The following TMEM107 variants were observed in gnomAD, a reference collection of about 807,000 sequenced individuals.
The protein encoded by TMEM107 is transmembrane protein 107.
Under a neutral mutation model 16.8 loss-of-function variants are expected in TMEM107, and 18 were observed. The observed-to-expected ratio is 1.07, with a 90% CI of 0.74 to 1.59. TMEM107 has a LOEUF of 1.59. Ranked by LOEUF, TMEM107 falls within the 40% of genes most tolerant of loss-of-function variation. The probability of loss-of-function intolerance (pLI) is 0.00; values close to 1 mark genes in which losing one functional copy is unlikely to be tolerated. For synonymous variants in TMEM107, 68 were observed against 71.6 expected (o/e 0.95, Z 0.25); for missense variants, 152 against 175.4 (o/e 0.87, Z 0.75).
Position 8,173,823 on chromosome 17 carries a change from A to G in TMEM107, c.*380T>C. ...CGTGCCGGACGTTCTAACTGTACGCACTTTCTATTTACATATCTCCGCCCA... is the reference window on the plus strand; with the variant it reads ...CGTGCCGGACGTTCTAACTGTACGCGCTTTCTATTTACATATCTCCGCCCA... On this transcript the variant is annotated 3_prime_UTR_variant, in exon 5 of 5. Transcript: ENST00000437139. 2.0e-6 allele frequency: 1 copy of G among 498,440 alleles called. No individual in the cohort carries two copies. Among genetic ancestry groups the G allele is most frequent in the South Asian group, 2.7e-5 (1 of 36,566 alleles). 30.9% of individuals were successfully genotyped at this position (498,440 alleles called of 1,614,324 possible).
In TMEM107 at chr17:8,173,510, C is replaced by T. The variant is rs776333257; in HGVS notation, c.*693G>A. The T allele has an allele frequency of 3.0e-5, 23 of 765,184 alleles. No homozygotes were observed. The highest frequency in any genetic ancestry group is 7.3e-5 in the East Asian group (3 of 41,266). The allele number at this position is 765,184 out of a possible 1,614,324, so 47.4% of individuals were successfully genotyped here. A position where few individuals can be genotyped will look rare whatever the true frequency, so the allele number is the denominator to read the frequency against. ...CCTGATTACGCAGAGACGTTAATCACGTTTCATGCATCTCCAATCATCATG... is the reference window on the plus strand; with the variant it reads ...CCTGATTACGCAGAGACGTTAATCATGTTTCATGCATCTCCAATCATCATG... On this transcript the variant is annotated 3_prime_UTR_variant, in exon 5 of 5. Transcript: ENST00000437139.
chr17:8,174,016 T>G lies in TMEM107; in HGVS notation c.*187A>C. On this transcript the variant is annotated 3_prime_UTR_variant, in exon 5 of 5. Transcript: ENST00000437139. ...AGTCTTAATGTTACTACAAAACATA[T>G]TTTATTACAAAGCACTAAATACAAT... is the stretch of plus-strand genomic sequence containing the variant. 1 of 601,128 alleles carries G rather than the reference T, an allele frequency of 1.7e-6. No homozygotes were observed. The highest frequency in any genetic ancestry group is 3.0e-6 in the Non-Finnish European group (1 of 334,180). The allele number at this position is 601,128 out of a possible 1,614,324, so 37.2% of individuals were successfully genotyped here. A position where few individuals can be genotyped will look rare whatever the true frequency, so the allele number is the denominator to read the frequency against.
rs374602860 is a variant in TMEM107, at chr17:8,173,493, C to G, written c.*710G>C. The G allele has an allele frequency of 3.7e-5, 28 of 764,968 alleles. No individual in the cohort carries two copies. The highest frequency in any genetic ancestry group is 5.7e-5 in the Non-Finnish European group (24 of 417,992). The allele number at this position is 764,968 out of a possible 1,614,324, so 47.4% of individuals were successfully genotyped here. A position where few individuals can be genotyped will look rare whatever the true frequency, so the allele number is the denominator to read the frequency against. ...ATCAGGGTGTTGCAAGTCCTGATTA[C>G]GCAGAGACGTTAATCACGTTTCATG... On this transcript the variant is annotated 3_prime_UTR_variant, in exon 5 of 5. Coordinates refer to ENST00000437139, the MANE Select transcript of TMEM107 (RefSeq NM_183065.4).
chr17:8,174,319 C>T (rs1567552880), intron 4 of TMEM107, 47 bp from the exon 5 acceptor site: 2 of 1,553,108 alleles, frequency 1.3e-6, no homozygotes, highest in Non-Finnish European at 1.8e-6. Flanking sequence ...GTATAAATAC[C>T]CAAATCTCCA....
rs1983628481 is a variant in TMEM107 at position 8,172,713 on chromosome 17, T to C, written c.*1490A>G. ...AGAAAAATTTTAAAACAACCAGGTG[T>C]GGTGGTGCTCACCTGTAGTCCCAGC... is the stretch of plus-strand genomic sequence containing the variant. On this transcript the variant is annotated 3_prime_UTR_variant, in exon 5 of 5. Coordinates refer to ENST00000437139, the MANE Select transcript of TMEM107 (RefSeq NM_183065.4). Among the ~76,000 whole-genome samples the C allele has an allele frequency of 6.6e-6, 1 of 151,362 alleles. No individual in the cohort carries two copies. Among genetic ancestry groups the C allele is most frequent in the Admixed American group, 6.6e-5 (1 of 15,182 alleles).
chr17:8,172,877 C>CAAAAAAAAAAAAAAAAAAA lies in TMEM107; in HGVS notation c.*1325_*1326insTTTTTTTTTTTTTTTTTTT, dbSNP rs1357679181. Among the ~76,000 whole-genome samples, 2 of 104,980 alleles carry CAAAAAAAAAAAAAAAAAAA rather than the reference C, an allele frequency of 1.9e-5. 1 individual carries two copies. The highest frequency in any genetic ancestry group is 3.7e-5 in the Non-Finnish European group (2 of 54,304). The allele number at this position is 104,980 out of a possible 152,430, so 68.9% of individuals were successfully genotyped here. A position where few individuals can be genotyped will look rare whatever the true frequency, so the allele number is the denominator to read the frequency against. The stretch of plus-strand genomic sequence containing the variant: ...TCTCAAAAAAAAAAAAAAAAAAAAC[C>CAAAAAAAAAAAAAAAAAAA]AAAAGAGGGGGGTGGTCAACATACC... On this transcript the variant is annotated 3_prime_UTR_variant, in exon 5 of 5. Transcript: ENST00000437139.
At chr17:8,174,416 G>C (rs1481728558) in intron 4 of TMEM107, 104 bp downstream of exon 4, 10 of 1,327,832 alleles carry the variant, frequency 7.5e-6, no homozygotes, top group Non-Finnish European at 1.1e-5. Flanking sequence ...ATGTTGAGTG[G>C]ATCTGGTATC....
chr17:8,173,358 G>GAC lies in TMEM107; in HGVS notation c.*843_*844dup, dbSNP rs1983737836. The GAC allele has an allele frequency of 1.6e-6, 1 of 614,164 alleles. No homozygotes were observed. The highest frequency in any genetic ancestry group is 2.0e-5 in the South Asian group (1 of 49,892). 38.0% of individuals were successfully genotyped at this position (614,164 alleles called of 1,614,324 possible). A position where few individuals can be genotyped will look rare whatever the true frequency, so the allele number is the denominator to read the frequency against. On this transcript the variant is annotated 3_prime_UTR_variant, in exon 5 of 5. Transcript: ENST00000437139. Reference sequence around the variant, plus strand: ...ACAGCAATAGCAAGACTGCAAAATAGACAAACAGCAAGGTTATCCCAGTCA... The same window carrying GAC: ...ACAGCAATAGCAAGACTGCAAAATAGACACAAACAGCAAGGTTATCCCAGTCA...
chr17:8,175,806 G>C lies in TMEM107; in HGVS notation c.207C>G (p.Ala69=). ...VTLGLFAVEL[A]GFLSGVSMFN... ...ACATGGAGACTCCTGAGAGGAAACC[G>C]GCCAGCTCCACTGCAAAGAGGCCCA... Residue 69 remains alanine, a synonymous_variant, in exon 3 of 5, where the codon GCC becomes GCG. Coordinates refer to ENST00000437139, the MANE Select transcript of TMEM107 (RefSeq NM_183065.4). 6.2e-7 allele frequency: 1 copy of C among 1,614,176 alleles called. No individual in the cohort carries two copies. The highest frequency in any genetic ancestry group is 8.5e-7 in the Non-Finnish European group (1 of 1,180,036).
In TMEM107 at chr17:8,176,342, T is replaced by C; in HGVS notation, c.-56A>G. On this transcript the variant is annotated 5_prime_UTR_variant, in exon 1 of 5. Transcript: ENST00000437139. ...AGGCTGGAAGTTCAGAGACAGCGAC[T>C]CCTGAAGTCTCCCCGCAAGCCGACA... 1 of 1,402,840 alleles carries C rather than the reference T, an allele frequency of 7.1e-7. No homozygotes were observed. The highest frequency in any genetic ancestry group is 2.2e-4 in the Middle Eastern group (1 of 4,560). 86.9% of individuals were successfully genotyped at this position (1,402,840 alleles called of 1,614,324 possible).
chr17:8,174,364 G>A, intron 4 of TMEM107, 92 bp from the exon 5 acceptor site: 1 of 1,347,914 alleles, frequency 7.4e-7, no homozygotes, highest in Non-Finnish European at 1.1e-6. Context: ...TGTAGGGCAG[G>A]TGGCATGGGG....
In TMEM107 at chr17:8,173,671, C is replaced by G. The variant is rs1983877414; in HGVS notation, c.*532G>C. On this transcript the variant is annotated 3_prime_UTR_variant, in exon 5 of 5. Transcript: ENST00000437139. ...TGAGTTCATAACGCGCTGGTATGAG[C>G]AATCCTATTATTTAGCGTCCTTCCA... is the stretch of plus-strand genomic sequence containing the variant. 1.5e-6 allele frequency: 1 copy of G among 675,394 alleles called. No individual in the cohort carries two copies. The highest frequency in any genetic ancestry group is 2.7e-6 in the Non-Finnish European group (1 of 369,340). The allele number at this position is 675,394 out of a possible 1,614,324, so 41.8% of individuals were successfully genotyped here.
At chr17:8,175,563 C>A in intron 3 of TMEM107, 194 bp downstream of exon 3, 1 of 678,700 alleles carries the variant, frequency 1.5e-6, no homozygotes, top group East Asian at 2.7e-5. Context: ...CGTGAGCCAA[C>A]ATGCCTGGCC....
rs550983276 is a variant in TMEM107 at position 8,173,540 on chromosome 17, A to C, written c.*663T>G. The C allele has an allele frequency of 1.0e-4, 79 of 764,954 alleles. 1 individual carries two copies. Among genetic ancestry groups the C allele is most frequent in the South Asian group, 5.1e-4 (38 of 74,614 alleles). 47.4% of individuals were successfully genotyped at this position (764,954 alleles called of 1,614,324 possible). On this transcript the variant is annotated 3_prime_UTR_variant, in exon 5 of 5. Coordinates refer to ENST00000437139, the MANE Select transcript of TMEM107 (RefSeq NM_183065.4). Reference sequence around the variant, plus strand: ...CATGCATCTCCAATCATCATGTTCTAATCTGCCCTCCGGAGGAGGAACAGG... The same window carrying C: ...CATGCATCTCCAATCATCATGTTCTCATCTGCCCTCCGGAGGAGGAACAGG...
rs75327696 is a variant in TMEM107 at position 8,173,424 on chromosome 17, T to A, written c.*779A>T. The A allele has an allele frequency of 5.3e-6, 4 of 757,080 alleles. No individual in the cohort carries two copies. The highest frequency in any genetic ancestry group is 1.7e-5 in the Admixed American group (1 of 58,496). The allele number at this position is 757,080 out of a possible 1,614,324, so 46.9% of individuals were successfully genotyped here. A position where few individuals can be genotyped will look rare whatever the true frequency, so the allele number is the denominator to read the frequency against. On this transcript the variant is annotated 3_prime_UTR_variant, in exon 5 of 5. Coordinates refer to ENST00000437139, the MANE Select transcript of TMEM107 (RefSeq NM_183065.4). The stretch of plus-strand genomic sequence containing the variant: ...GTTTGTGGATATCTGCTAATCAGCA[T>A]AACACAAATGTAAGTGATCGTCAGA...
At position 8,174,586 on chromosome 17, in the gene TMEM107, G is replaced by A. The variant is rs762032078; in HGVS notation, c.287C>T (p.Ala96Val). 1.9e-6 allele frequency: 3 copies of A among 1,614,110 alleles called. No homozygotes were observed. Among genetic ancestry groups the A allele is most frequent in the Admixed American group, 3.3e-5 (2 of 60,016 alleles). ...SIGAHCSASV[A>V]LSFFIFERWE... is the part of the protein sequence containing the mutation. ...ACGCTCGAATATGAAGAAGGACAGG[G>A]CCACGGATGCACTACAGTGAGCCCC... The change falls in exon 4 of 5, where the codon GCC (alanine) becomes GTC (valine). Residue 96 changes from alanine (A) to valine (V), a missense_variant. By Grantham distance (64) the Ala-to-Val change is moderately conservative. Coordinates refer to ENST00000437139, the MANE Select transcript of TMEM107 (RefSeq NM_183065.4).
chr17:8,173,300 C>A lies in TMEM107; in HGVS notation c.*903G>T. 1.1e-5 allele frequency: 6 copies of A among 523,108 alleles called. No homozygotes were observed. Among genetic ancestry groups the A allele is most frequent in the East Asian group, 2.9e-5 (1 of 34,440 alleles). The allele number at this position is 523,108 out of a possible 1,614,324, so 32.4% of individuals were successfully genotyped here. A position where few individuals can be genotyped will look rare whatever the true frequency, so the allele number is the denominator to read the frequency against. ...AAAACCAAATCACAATTTTCAAGAA[C>A]AAACAAATTTAGCAAGACTGCAAAA... On this transcript the variant is annotated 3_prime_UTR_variant, in exon 5 of 5. Coordinates refer to ENST00000437139, the MANE Select transcript of TMEM107 (RefSeq NM_183065.4).
rs1236827248 is a variant in TMEM107 at position 8,174,163 on chromosome 17, C to T, written c.*40G>A. On this transcript the variant is annotated 3_prime_UTR_variant, in exon 5 of 5. Transcript: ENST00000437139. ...TCCAGGAATACGAAGCGGCCCTTGC[C>T]CCTGTAGGCTTCGTCCTTAGGTTCC... 1 of 1,590,324 alleles carries T rather than the reference C, an allele frequency of 6.3e-7. No individual in the cohort carries two copies. Among genetic ancestry groups the T allele is most frequent in the Non-Finnish European group, 8.6e-7 (1 of 1,158,372 alleles).
chr17:8,173,686 G>A lies in TMEM107; in HGVS notation c.*517C>T. On this transcript the variant is annotated 3_prime_UTR_variant, in exon 5 of 5. Coordinates refer to ENST00000437139, the MANE Select transcript of TMEM107 (RefSeq NM_183065.4). ...CTGGTATGAGCAATCCTATTATTTA[G>A]CGTCCTTCCAGTTGTTTTGCCATAT... The A allele has an allele frequency of 3.2e-6, 2 of 628,492 alleles. No individual in the cohort carries two copies. Among genetic ancestry groups the A allele is most frequent in the South Asian group, 1.9e-5 (1 of 53,020 alleles). The allele number at this position is 628,492 out of a possible 1,614,324, so 38.9% of individuals were successfully genotyped here.
Sources: gnomAD v4.1 joint callset for allele counts (sites outside exome capture counted in the v4.1 genomes callset) on GRCh38, gnomAD v4.1.1 for gene constraint, MANE v1.5 for transcripts, NCBI Gene and HGNC (gene_info 2026-07-23, HGNC 2026-07-21) for gene names.